CAMKMT: variants seen among roughly 807,000 people sequenced by gnomAD.
The protein encoded by CAMKMT is CaM KMT.
In CAMKMT, 53 loss-of-function variants were observed where a neutral mutation model predicts 48.0. The ratio of observed to expected loss-of-function variants is 1.10; its 90% CI spans 0.89 to 1.39. CAMKMT has a LOEUF of 1.39. Ranked by LOEUF, CAMKMT falls within the 40% of genes most tolerant of loss-of-function variation. The pLI, the probability that CAMKMT is intolerant of heterozygous loss-of-function variation, is 0.00. For synonymous variants in CAMKMT, 165 were observed against 152.3 expected, an observed-to-expected ratio of 1.08 and a Z score of -0.61; for missense variants, 428 against 402.7, an observed-to-expected ratio of 1.06 and a Z score of -0.54.
At chr2:44,696,351 G>A (rs1389564294) in intron 3 of CAMKMT, among the ~76,000 whole-genome samples, 1 of 152,218 alleles carries the variant, frequency 6.6e-6, no homozygotes. Context: ...GCAAATTTTG[G>A]TATGGAGTGG....
chr2:44,428,226 T>G (rs796424341), intron 3 of CAMKMT, among the ~76,000 whole-genome samples: 2 of 152,260 alleles, frequency 1.3e-5, no homozygotes, highest in African/African-American at 4.8e-5. Context: ...GTGGTGGAAG[T>G]GGCTCTCAGC....
chr2:44,633,551 C>T (rs140770046), intron 3 of CAMKMT, among the ~76,000 whole-genome samples: 49 of 152,160 alleles, frequency 3.2e-4, no homozygotes, highest in South Asian at 2.3e-3. Flanking sequence ...TAAGCCTATC[C>T]GACAAAATTT....
chr2:44,493,835 C>T lies in CAMKMT; in HGVS notation c.376+103530C>T, dbSNP rs114944069. Among the ~76,000 whole-genome samples, 1,209 of 152,200 alleles carry T rather than the reference C, an allele frequency of 7.9e-3. 15 individuals are homozygous for T. The highest frequency in any genetic ancestry group is 0.028 in the African/African-American group (1,153 of 41,524). On this transcript the variant is annotated intron_variant, in intron 3 of 10. Coordinates refer to ENST00000378494, the MANE Select transcript of CAMKMT (RefSeq NM_024766.5). ...AAGTGCATATTTTTGAAGGGTTTTA[C>T]TTTGTTTATTTCCTTCATCAAAAAA...
chr2:44,448,204 C>T (rs1442993256), intron 3 of CAMKMT, among the ~76,000 whole-genome samples: 2 of 152,218 alleles, frequency 1.3e-5, no homozygotes, highest in South Asian at 4.2e-4. Context: ...ATGAAAAGCA[C>T]CCCACCACCC....
intron 3 of CAMKMT, among the ~76,000 whole-genome samples, chr2:44,477,323 C>A (rs1308582915): frequency 6.6e-6 from 1 of 152,084 alleles, no homozygotes; most frequent in Admixed American, 6.5e-5. Context: ...CCCTGAGAAC[C>A]AGTGGATCTA....
intron 9 of CAMKMT, among the ~76,000 whole-genome samples, chr2:44,762,948 A>G (rs920622930): frequency 6.6e-6 from 1 of 152,328 alleles, no homozygotes; most frequent in Admixed American, 6.5e-5. Context: ...ATTGAAAATA[A>G]TTTTTCTAAA....
intron 3 of CAMKMT, among the ~76,000 whole-genome samples, chr2:44,658,603 C>G (rs11899410): frequency 0.013 from 1,972 of 152,300 alleles, 46 homozygotes; most frequent in African/African-American, 0.045. Context: ...TTTATACTTA[C>G]AGCTGTATAA....
chr2:44,746,748 G>T (rs1679933514), intron 8 of CAMKMT, among the ~76,000 whole-genome samples: 2 of 152,144 alleles, frequency 1.3e-5, no homozygotes, highest in South Asian at 2.1e-4. Flanking sequence ...TGCCTATTAA[G>T]TTCCTCAGTT....
At chr2:44,502,871 G>A (rs1484304187) in intron 3 of CAMKMT, among the ~76,000 whole-genome samples, 5 of 152,002 alleles carry the variant, frequency 3.3e-5, no homozygotes, top group African/African-American at 1.2e-4. Flanking sequence ...AAAATACTAT[G>A]TATTAATAGG....
chr2:44,603,041 C>T (rs944508016), intron 3 of CAMKMT, among the ~76,000 whole-genome samples: 10 of 150,954 alleles, frequency 6.6e-5, no homozygotes, highest in East Asian at 1.9e-4. Flanking sequence ...CCTATATATA[C>T]ACACACACAC....
intron 3 of CAMKMT, among the ~76,000 whole-genome samples, chr2:44,643,418 G>A (rs1461660737): frequency 1.3e-5 from 2 of 152,100 alleles, no homozygotes; most frequent in Admixed American, 6.6e-5. Flanking sequence ...CCAAATGAAT[G>A]GAATATTGTG....
chr2:44,709,137 G>A (rs1436544442), intron 6 of CAMKMT, among the ~76,000 whole-genome samples: 1 of 152,134 alleles, frequency 6.6e-6, no homozygotes, highest in Non-Finnish European at 1.5e-5. Flanking sequence ...GGAAATCTCA[G>A]ATTCTGTATT....
chr2:44,553,178 C>T (rs1031383860), intron 3 of CAMKMT, among the ~76,000 whole-genome samples: 4 of 152,114 alleles, frequency 2.6e-5, no homozygotes, highest in Admixed American at 2.0e-4. Context: ...TTGACCAATA[C>T]GATACTATAC....
chr2:44,456,498 A>T, intron 3 of CAMKMT: 1 of 1,526,498 alleles, frequency 6.6e-7, no homozygotes, highest in Non-Finnish European at 8.8e-7. Flanking sequence ...AAACAAAAAG[A>T]CCTTGGAATG....
At chr2:44,418,485 A>G (rs1038239077) in intron 3 of CAMKMT, among the ~76,000 whole-genome samples, 12 of 152,096 alleles carry the variant, frequency 7.9e-5, no homozygotes, top group African/African-American at 2.9e-4. Context: ...TTTTGGTATC[A>G]TTGATTGAAA....
intron 3 of CAMKMT, among the ~76,000 whole-genome samples, chr2:44,519,213 C>T (rs375267592): frequency 6.6e-6 from 1 of 152,140 alleles, no homozygotes. Flanking sequence ...CTGTTCCAGA[C>T]TCATGGTGAA....
intron 3 of CAMKMT, among the ~76,000 whole-genome samples, chr2:44,438,675 A>G (rs1266113660): frequency 2.0e-5 from 3 of 151,862 alleles, no homozygotes; most frequent in Admixed American, 2.0e-4. Context: ...ACACTGAACT[A>G]CTCAGGTGTG....
chr2:44,610,227 T>C (rs1276981372), intron 3 of CAMKMT, among the ~76,000 whole-genome samples: 1 of 152,208 alleles, frequency 6.6e-6, no homozygotes, highest in Non-Finnish European at 1.5e-5. Flanking sequence ...AAAGTGTCTC[T>C]TGGTTCCATG....
intron 6 of CAMKMT, among the ~76,000 whole-genome samples, chr2:44,707,780 G>A: frequency 6.6e-6 from 1 of 152,104 alleles, no homozygotes; most frequent in East Asian, 1.9e-4. Flanking sequence ...GAATTTGCCA[G>A]TGTAAAACAA....
Sources: allele counts gnomAD v4.1 joint callset (sites outside exome capture counted in the v4.1 genomes callset), GRCh38; gene constraint gnomAD v4.1.1; transcripts MANE v1.5; gene names NCBI Gene and HGNC (gene_info 2026-07-23, HGNC 2026-07-21).